LCOR: variants seen among roughly 807,000 people sequenced by gnomAD.
LCOR encodes ligand-dependent corepressor.
LCOR carries 14 observed loss-of-function variants against 64.4 expected under a neutral mutation model. That is an observed-to-expected ratio of 0.22 (90% CI 0.14 to 0.34). LCOR has a LOEUF of 0.34. Among genes scored for constraint, LCOR ranks in the 10% least tolerant of loss-of-function variants. LCOR has a pLI of 1.00. For missense variants in LCOR, 1,686 were observed against 1,765.3 expected, an observed-to-expected ratio of 0.96 and a Z score of 0.80; for synonymous variants, 643 against 642.5, an observed-to-expected ratio of 1.00 and a Z score of -0.01.
At chr10:96,905,520 A>C (rs1469355305) in intron 2 of LCOR, among the ~76,000 whole-genome samples, 4 of 152,110 alleles carry the variant, frequency 2.6e-5, no homozygotes, top group African/African-American at 4.8e-5. Context: ...GATCGTTCTG[A>C]AAATATCTGA....
chr10:96,894,216 C>T (rs965889048), intron 2 of LCOR, among the ~76,000 whole-genome samples: 1 of 152,100 alleles, frequency 6.6e-6, no homozygotes, highest in Non-Finnish European at 1.5e-5. Context: ...GTCAGCCTCC[C>T]GAGCAGCTGG....
At chr10:96,978,379 T>C (rs964905842) in intron 7 of LCOR, among the ~76,000 whole-genome samples, 1 of 152,244 alleles carries the variant, frequency 6.6e-6, no homozygotes, top group Non-Finnish European at 1.5e-5. Flanking sequence ...TTTTACTAAG[T>C]CCACTTTACA....
At chr10:96,962,802 A>G (rs1564640725) in intron 7 of LCOR, 1 of 152,322 alleles carries the variant, frequency 6.6e-6, no homozygotes, top group East Asian at 1.9e-4. Flanking sequence ...GAGTGTTTGC[A>G]TATAATTCTT....
In LCOR at chr10:96,902,115, C is replaced by T. The variant is rs138202302; in HGVS notation, c.-329-5150C>T. On this transcript the variant is annotated intron_variant, in intron 2 of 7. Coordinates refer to ENST00000421806, the MANE Select transcript of LCOR (RefSeq NM_001346516.2). ...AGCATTTGTTCTCTGCTATTTTATTCAGAGCTCTTTGCTCTTAAAAAAAAA... is the reference window on the plus strand; with the variant it reads ...AGCATTTGTTCTCTGCTATTTTATTTAGAGCTCTTTGCTCTTAAAAAAAAA... Among the ~76,000 whole-genome samples, 499 of 149,730 alleles carry T rather than the reference C, an allele frequency of 3.3e-3. 3 individuals carry two copies. The highest frequency in any genetic ancestry group is 0.012 in the African/African-American group (480 of 40,000).
chr10:96,848,399 T>C (rs929627060), intron 2 of LCOR, among the ~76,000 whole-genome samples: 1 of 152,242 alleles, frequency 6.6e-6, no homozygotes, highest in Non-Finnish European at 1.5e-5. Context: ...GGCTCACGCC[T>C]GTAATCCCAA....
intron 6 of LCOR, among the ~76,000 whole-genome samples, chr10:96,949,780 G>A (rs1847646920): frequency 6.6e-6 from 1 of 152,142 alleles, no homozygotes; most frequent in African/African-American, 2.4e-5. Flanking sequence ...GTTACAAATA[G>A]AGAAAGCAGC....
intron 2 of LCOR, among the ~76,000 whole-genome samples, chr10:96,899,140 G>A (rs917125065): frequency 7.2e-5 from 11 of 152,100 alleles, no homozygotes; most frequent in African/African-American, 2.7e-4. Flanking sequence ...ATGAAGGAAA[G>A]GAGTAAAATG....
chr10:96,899,171 T>G (rs1036717122), intron 2 of LCOR, among the ~76,000 whole-genome samples: 6 of 152,134 alleles, frequency 3.9e-5, no homozygotes, highest in Admixed American at 3.9e-4. Flanking sequence ...GGTGGGCATT[T>G]TTAGGTATTT....
At position 96,983,733 on chromosome 10, in the gene LCOR, G is replaced by A. The variant is rs753447922; in HGVS notation, c.3273G>A (p.Val1091=). The change falls in exon 8 of 8, where the codon GTG becomes GTA. Residue 1091 remains valine (V), a synonymous_variant. Transcript: ENST00000421806. The surrounding 1 kb of genome is among the most constrained non-coding windows in gnomAD (Gnocchi z 4.5). Reference sequence around the variant, plus strand: ...TAGATGAGGACGATGTTGACACCGTGGTAGATGAACAGCCAAAGTTTATGG... The same window carrying A: ...TAGATGAGGACGATGTTGACACCGTAGTAGATGAACAGCCAAAGTTTATGG... ...DPLDEDDVDT[V]VDEQPKFMEW... is the part of the protein sequence containing the mutation. The A allele has an allele frequency of 4.3e-5, 69 of 1,614,034 alleles. No individual in the cohort carries two copies. The highest frequency in any genetic ancestry group is 5.4e-5 in the Non-Finnish European group (64 of 1,180,030).
At chr10:96,868,840 A>G (rs763430356) in intron 2 of LCOR, among the ~76,000 whole-genome samples, 2 of 152,158 alleles carry the variant, frequency 1.3e-5, no homozygotes, top group African/African-American at 2.4e-5. Flanking sequence ...GTATCCTAGC[A>G]AATAGGTTAA....
chr10:96,892,382 C>T (rs2134434309), intron 2 of LCOR, among the ~76,000 whole-genome samples: 1 of 152,018 alleles, frequency 6.6e-6, no homozygotes, highest in Middle Eastern at 3.4e-3. Context: ...TTTCTTAGTC[C>T]ACTTGGGCTG....
At chr10:96,894,590 T>C (rs1210152455) in intron 2 of LCOR, among the ~76,000 whole-genome samples, 1 of 152,220 alleles carries the variant, frequency 6.6e-6, no homozygotes, top group Non-Finnish European at 1.5e-5. Flanking sequence ...GGGAGAACTA[T>C]TAAGAATTTT....
In LCOR at chr10:96,985,721, C is replaced by A. The variant is rs890565916; in HGVS notation, c.*587C>A. The A allele has an allele frequency of 2.4e-5, 4 of 166,644 alleles. No individual in the cohort carries two copies. The highest frequency in any genetic ancestry group is 4.4e-5 in the Non-Finnish European group (3 of 68,114). 10.3% of individuals were successfully genotyped at this position (166,644 alleles called of 1,614,324 possible). ...TTATAAAAGATTACTATTTCTGTTA[C>A]CCCCTTTTAAAAAAGATCATGTTCA... On this transcript the variant is annotated 3_prime_UTR_variant, in exon 8 of 8. Transcript: ENST00000421806.
intron 2 of LCOR, among the ~76,000 whole-genome samples, chr10:96,857,842 A>G (rs1243399813): frequency 6.6e-6 from 1 of 152,154 alleles, no homozygotes; most frequent in Admixed American, 6.6e-5. Context: ...AAGATTCTCC[A>G]AGATATCTGA....
chr10:96,884,385 C>T (rs1460053991), intron 2 of LCOR, among the ~76,000 whole-genome samples: 1 of 152,160 alleles, frequency 6.6e-6, no homozygotes, highest in African/African-American at 2.4e-5. Flanking sequence ...AAAGTAGTAT[C>T]TTTGGATTCT....
At chr10:96,920,372 T>C (rs1847026667) in intron 4 of LCOR, among the ~76,000 whole-genome samples, 1 of 136,502 alleles carries the variant, frequency 7.3e-6, no homozygotes, top group Non-Finnish European at 1.6e-5. Context: ...TAAATTGTAG[T>C]TCTTCATTCA....
At chr10:96,894,377 T>TGA (rs1846502281) in intron 2 of LCOR, among the ~76,000 whole-genome samples, 1 of 152,142 alleles carries the variant, frequency 6.6e-6, no homozygotes, top group South Asian at 2.1e-4. Context: ...GCATCCGGCC[T>TGA]GAGAGTACAT....
intron 7 of LCOR, among the ~76,000 whole-genome samples, chr10:96,969,946 ATTTTT>A (rs751045855): frequency 5.9e-5 from 4 of 67,736 alleles, no homozygotes; most frequent in South Asian, 9.8e-4. Context: ...CACCTGGATA[ATTTTT>A]TTTTTTTTTT....
At position 96,985,587 on chromosome 10, in the gene LCOR, CCTT is replaced by C. The variant is rs1848142485; in HGVS notation, c.*457_*459del. On this transcript the variant is annotated 3_prime_UTR_variant, in exon 8 of 8. Transcript: ENST00000421806. Reference sequence around the variant, plus strand: ...GCAGCATCTGCCCACGAACAGATGCCCTTCTTTGCAAACCCCAGCAGTGAACTT... The same window carrying C: ...GCAGCATCTGCCCACGAACAGATGCCCTTTGCAAACCCCAGCAGTGAACTT... 6.0e-6 allele frequency: 1 copy of C among 167,502 alleles called. No homozygotes were observed. Among genetic ancestry groups the C allele is most frequent in the African/African-American group, 2.4e-5 (1 of 41,442 alleles). The allele number at this position is 167,502 out of a possible 1,614,324, so 10.4% of individuals were successfully genotyped here.
Sources: gnomAD v4.1 joint callset for allele counts (sites outside exome capture counted in the v4.1 genomes callset) on GRCh38, gnomAD v4.1.1 for gene constraint, Gnocchi (gnomAD v3.1) non-coding constraint, MANE v1.5 for transcripts, NCBI Gene and HGNC (gene_info 2026-07-23, HGNC 2026-07-21) for gene names.